The following WNT2B variants were observed in gnomAD, a reference collection of about 807,000 sequenced individuals.
WNT2B encodes the protein Wnt family member 2B, also known as protein Wnt-2b.
A neutral mutation model predicts 40.5 loss-of-function variants in WNT2B; 19 were observed. That is an observed-to-expected ratio of 0.47 (90% CI 0.33 to 0.69). WNT2B has a LOEUF of 0.69. Ranked by LOEUF, WNT2B falls within the 30% of genes least tolerant of loss-of-function variation. The pLI, the probability that WNT2B is intolerant of heterozygous loss-of-function variation, is 0.02. For synonymous variants in WNT2B, 220 were observed against 211.9 expected (o/e 1.04, Z -0.33); for missense variants, 467 against 556.4 (o/e 0.84, Z 1.62).
intron 1 of WNT2B, among the ~76,000 whole-genome samples, chr1:112,512,930 T>C (rs1192452715): frequency 3.3e-5 from 5 of 152,198 alleles, no homozygotes; most frequent in Admixed American, 6.5e-5. Flanking sequence ...TCTTAGATAC[T>C]GAACAGATGT....
At chr1:112,481,452 C>T (rs940585929) in intron 1 of WNT2B, among the ~76,000 whole-genome samples, 9 of 152,056 alleles carry the variant, frequency 5.9e-5, no homozygotes, top group Admixed American at 1.3e-4. Flanking sequence ...AATATCATAA[C>T]CAATGGGGAA....
At chr1:112,510,313 A>G (rs1652304066) in intron 1 of WNT2B, among the ~76,000 whole-genome samples, 1 of 152,180 alleles carries the variant, frequency 6.6e-6, no homozygotes, top group Non-Finnish European at 1.5e-5. Context: ...TAGGAGAAGG[A>G]GCTGCTTTCC....
At chr1:112,482,631 C>T (rs1651262600) in intron 1 of WNT2B, among the ~76,000 whole-genome samples, 1 of 152,112 alleles carries the variant, frequency 6.6e-6, no homozygotes, top group Non-Finnish European at 1.5e-5. Context: ...CCATGCCCAG[C>T]CCTAGTCACA....
At chr1:112,517,734 T>C (rs1388522089) in intron 4 of WNT2B, 2 of 217,246 alleles carry the variant, frequency 9.2e-6, no homozygotes, top group East Asian at 2.0e-4. Context: ...GATGCAGCCC[T>C]AAGCCTTTGG....
rs986997010 is a variant in WNT2B, at chr1:112,509,995, G to A, written c.182+551G>A. On this transcript the variant is annotated intron_variant, in intron 1 of 4. Coordinates refer to ENST00000369684, the MANE Select transcript of WNT2B (RefSeq NM_024494.3). The surrounding 1 kb of genome is among the most constrained non-coding windows in gnomAD (Gnocchi z 4.2). ...CAATTAAAACAAACAAAACGCATGG[G>A]TTTGCATTATCTAGGCATTTGTCTT... Among the ~76,000 whole-genome samples the A allele has an allele frequency of 6.6e-6, 1 of 152,158 alleles. No individual in the cohort carries two copies. Among genetic ancestry groups the A allele is most frequent in the Admixed American group, 6.5e-5 (1 of 15,276 alleles).
intron 1 of WNT2B, among the ~76,000 whole-genome samples, chr1:112,491,924 T>C (rs912307544): frequency 8.5e-5 from 13 of 152,112 alleles, no homozygotes; most frequent in Non-Finnish European, 1.8e-4. Flanking sequence ...ATTTTATTTA[T>C]GTTCATAAAT....
intron 1 of WNT2B, among the ~76,000 whole-genome samples, chr1:112,479,768 G>C (rs1651166342): frequency 6.6e-6 from 1 of 151,964 alleles, no homozygotes. Context: ...CTGGAGCGCA[G>C]TGTCGCATCT....
At chr1:112,476,197 T>C (rs1651048934) in intron 1 of WNT2B, among the ~76,000 whole-genome samples, 1 of 151,968 alleles carries the variant, frequency 6.6e-6, no homozygotes, top group African/African-American at 2.4e-5. Flanking sequence ...AAATAACCCA[T>C]GGGTCAAAGG....
chr1:112,490,640 T>C (rs530730001), intron 1 of WNT2B, among the ~76,000 whole-genome samples: 2,361 of 151,938 alleles, frequency 0.016, 33 homozygotes, highest in Non-Finnish European at 0.021. Context: ...CCGGCGCCCA[T>C]CACCACACCC....
chr1:112,487,871 TTGCAATGAGCCGAGATTGCGCCAC>T (rs1240491861), intron 1 of WNT2B, among the ~76,000 whole-genome samples: 1 of 139,112 alleles, frequency 7.2e-6, no homozygotes, highest in Non-Finnish European at 1.5e-5. Context: ...GAGACAGAGG[TTGCAATGAGCCGAGATTGCGCCAC>T]TGCACTCCAG....
At chr1:112,496,074 C>T (rs1268093737) in intron 1 of WNT2B, among the ~76,000 whole-genome samples, 2 of 152,144 alleles carry the variant, frequency 1.3e-5, no homozygotes, top group Non-Finnish European at 2.9e-5. Context: ...TTAATAGTGC[C>T]ATTAAGTTTC....
intron 1 of WNT2B, among the ~76,000 whole-genome samples, chr1:112,501,201 A>G (rs139450442): frequency 0.024 from 3,691 of 152,212 alleles, 61 homozygotes; most frequent in Middle Eastern, 0.075. Flanking sequence ...GACCGGGGTA[A>G]TGGGGAGGAG....
intron 1 of WNT2B, among the ~76,000 whole-genome samples, chr1:112,500,157 T>C (rs1459496158): frequency 2.0e-5 from 3 of 152,230 alleles, no homozygotes; most frequent in Non-Finnish European, 4.4e-5. Context: ...AAGAGGTTCA[T>C]AGTAATACTA....
chr1:112,467,709 T>A (rs781309298), intron 1 of WNT2B: 173 of 645,578 alleles, frequency 2.7e-4, no homozygotes, highest in Middle Eastern at 1.4e-3. Context: ...GTAGTATGTA[T>A]AATGGTCAAG....
chr1:112,500,037 A>T (rs1425527227), intron 1 of WNT2B, among the ~76,000 whole-genome samples: 1 of 152,226 alleles, frequency 6.6e-6, no homozygotes, highest in Non-Finnish European at 1.5e-5. Flanking sequence ...AAGCGAGGGT[A>T]TGACGACAGG....
intron 1 of WNT2B, among the ~76,000 whole-genome samples, chr1:112,472,268 G>C (rs1446055475): frequency 1.3e-5 from 2 of 152,168 alleles, no homozygotes; most frequent in African/African-American, 4.8e-5. Flanking sequence ...GCTTCAGTGA[G>C]AGAGATCACC....
At chr1:112,474,112 C>CA (rs1047134264) in intron 1 of WNT2B, among the ~76,000 whole-genome samples, 1 of 150,934 alleles carries the variant, frequency 6.6e-6, no homozygotes, top group Non-Finnish European at 1.5e-5. Flanking sequence ...ACATCATAAT[C>CA]AAAAAGCCTA....
intron 1 of WNT2B, among the ~76,000 whole-genome samples, chr1:112,471,938 A>G (rs1196832223): frequency 6.6e-6 from 1 of 152,274 alleles, no homozygotes; most frequent in Non-Finnish European, 1.5e-5. Flanking sequence ...TAAATGCAGC[A>G]TACATATGAA....
chr1:112,515,373 A>G lies in WNT2B; in HGVS notation c.403+279A>G, dbSNP rs139155445. ...TCCCTCATTTTCCTTGTCCTCCCCA[A>G]TCCCCAGCTTGGGAGGCTACCATGT... is the stretch of plus-strand genomic sequence containing the variant. On this transcript the variant is annotated intron_variant, in intron 2 of 4. Coordinates refer to ENST00000369684, the MANE Select transcript of WNT2B (RefSeq NM_024494.3). The surrounding 1 kb of genome is among the most constrained non-coding windows in gnomAD (Gnocchi z 4.4). 8.5e-3 allele frequency among the ~76,000 whole-genome samples: 1,287 copies of G among 152,210 alleles called. 12 individuals carry two copies. The highest frequency in any genetic ancestry group is 0.028 in the African/African-American group (1,173 of 41,532).
Sources: allele counts gnomAD v4.1 joint callset (sites outside exome capture counted in the v4.1 genomes callset), GRCh38; gene constraint gnomAD v4.1.1; non-coding constraint Gnocchi (gnomAD v3.1); transcripts MANE v1.5; gene names NCBI Gene and HGNC (gene_info 2026-07-23, HGNC 2026-07-21).